KHDRBS2: variants seen among roughly 807,000 people sequenced by gnomAD.
The protein encoded by KHDRBS2 is KH RNA binding domain containing, signal transduction associated 2.
In KHDRBS2, 26 loss-of-function variants were observed where a neutral mutation model predicts 44.3. The observed-to-expected ratio is 0.59, with a 90% confidence interval of 0.43 to 0.81. KHDRBS2 has a LOEUF of 0.81. Among genes scored for constraint, KHDRBS2 ranks in the 40% least tolerant of loss-of-function variants. KHDRBS2 has a pLI of 0.00. For synonymous variants in KHDRBS2, 194 were observed against 151.1 expected (o/e 1.28, Z -2.08); for missense variants, 476 against 433.1 (o/e 1.10, Z -0.88).
intron 6 of KHDRBS2, among the ~76,000 whole-genome samples, chr6:61,756,494 A>C (rs1778507251): frequency 6.6e-6 from 1 of 152,090 alleles, no homozygotes; most frequent in African/African-American, 2.4e-5. Flanking sequence ...TCTTGACCTC[A>C]AGTGATCCGC....
chr6:62,229,091 C>T (rs1832432400), intron 1 of KHDRBS2, among the ~76,000 whole-genome samples: 1 of 152,138 alleles, frequency 6.6e-6, no homozygotes, highest in South Asian at 2.1e-4. Flanking sequence ...CTGAATTCCT[C>T]AGAATTAGCA....
chr6:62,011,350 C>T (rs2127269515), intron 3 of KHDRBS2, among the ~76,000 whole-genome samples: 1 of 152,182 alleles, frequency 6.6e-6, no homozygotes, highest in South Asian at 2.1e-4. Flanking sequence ...AAAGCAATAA[C>T]ACATTGCACA....
chr6:61,846,574 C>A (rs2127277609), intron 6 of KHDRBS2, among the ~76,000 whole-genome samples: 1 of 152,260 alleles, frequency 6.6e-6, no homozygotes, highest in East Asian at 1.9e-4. Context: ...AAGAGTTAAA[C>A]TTTTAAAACT....
intron 1 of KHDRBS2, among the ~76,000 whole-genome samples, chr6:62,240,665 T>A: frequency 1.5e-5 from 1 of 68,770 alleles, no homozygotes; most frequent in African/African-American, 4.8e-5. Flanking sequence ...TGTATGTATG[T>A]GTGTGTGTAT....
At chr6:61,985,230 T>G (rs1261886942) in intron 3 of KHDRBS2, among the ~76,000 whole-genome samples, 1 of 152,210 alleles carries the variant, frequency 6.6e-6, no homozygotes, top group East Asian at 1.9e-4. Flanking sequence ...ACTGGAAACT[T>G]TTTAGTAATA....
intron 1 of KHDRBS2, among the ~76,000 whole-genome samples, chr6:62,265,438 A>G (rs1585508739): frequency 6.6e-6 from 1 of 151,830 alleles, no homozygotes; most frequent in Non-Finnish European, 1.5e-5. Flanking sequence ...GTGTATGTGT[A>G]TGTGTGTGTA....
the KHDRBS2 span, among the ~76,000 whole-genome samples, chr6:61,661,837 G>C: frequency 1.3e-5 from 2 of 151,996 alleles, no homozygotes; most frequent in Non-Finnish European, 2.9e-5. Context: ...GTAATTTATA[G>C]ATTCAATGCC....
At chr6:61,984,240 A>G (rs1774572210) in intron 3 of KHDRBS2, among the ~76,000 whole-genome samples, 1 of 152,038 alleles carries the variant, frequency 6.6e-6, no homozygotes, top group South Asian at 2.1e-4. Flanking sequence ...GAAGTTAAAA[A>G]CTGGATTTAT....
intron 2 of KHDRBS2, among the ~76,000 whole-genome samples, chr6:62,064,653 C>T (rs1474976322): frequency 4.6e-5 from 7 of 151,666 alleles, no homozygotes; most frequent in Admixed American, 1.3e-4. Flanking sequence ...AAGATTTGAA[C>T]GTTAGACCTA....
intron 6 of KHDRBS2, among the ~76,000 whole-genome samples, chr6:61,883,524 T>C (rs1252124718): frequency 1.3e-5 from 2 of 152,042 alleles, no homozygotes; most frequent in Admixed American, 1.3e-4. Context: ...AGAATCTGCA[T>C]CTTTTCTAAA....
the KHDRBS2 span, among the ~76,000 whole-genome samples, chr6:61,625,105 T>G: frequency 6.6e-6 from 1 of 151,968 alleles, no homozygotes; most frequent in Non-Finnish European, 1.5e-5. Context: ...CTTTGATGCC[T>G]TGTGGGATTC....
At chr6:61,947,991 G>C (rs1195858317) in intron 4 of KHDRBS2, among the ~76,000 whole-genome samples, 2 of 151,038 alleles carry the variant, frequency 1.3e-5, no homozygotes, top group African/African-American at 4.9e-5. Flanking sequence ...TGAAGTTCAG[G>C]AGAGCTGAAG....
At chr6:62,230,604 T>G (rs952046807) in intron 1 of KHDRBS2, among the ~76,000 whole-genome samples, 8 of 152,162 alleles carry the variant, frequency 5.3e-5, no homozygotes, top group Non-Finnish European at 1.0e-4. Flanking sequence ...TTACAACAGC[T>G]CCTAGCACTT....
At chr6:61,611,972 A>G in the KHDRBS2 span, among the ~76,000 whole-genome samples, 6 of 152,234 alleles carry the variant, frequency 3.9e-5, no homozygotes, top group Non-Finnish European at 8.8e-5. Context: ...CACATCAACC[A>G]TATAGGAGAG....
chr6:61,977,932 G>A (rs1215408125), intron 4 of KHDRBS2, 134 bp downstream of exon 4: 5 of 712,708 alleles, frequency 7.0e-6, no homozygotes, highest in Non-Finnish European at 1.1e-5. Flanking sequence ...TTATTTTTTA[G>A]CTTTGTATCG....
At chr6:61,871,710 T>C (rs1798687073) in intron 6 of KHDRBS2, among the ~76,000 whole-genome samples, 1 of 152,164 alleles carries the variant, frequency 6.6e-6, no homozygotes, top group Admixed American at 6.5e-5. Flanking sequence ...TCAACATTTC[T>C]AAAGAAAAGA....
intron 3 of KHDRBS2, among the ~76,000 whole-genome samples, chr6:62,005,554 A>C (rs1779053865): frequency 6.6e-6 from 1 of 151,862 alleles, no homozygotes; most frequent in Non-Finnish European, 1.5e-5. Context: ...ATAGACTTAC[A>C]AAAGAGAAAG....
At chr6:62,249,738 A>AT (rs1836217189) in intron 1 of KHDRBS2, among the ~76,000 whole-genome samples, 1 of 152,028 alleles carries the variant, frequency 6.6e-6, no homozygotes, top group African/African-American at 2.4e-5. Flanking sequence ...TTTCTCTATA[A>AT]AAGCACTCTT....
At chr6:62,062,994 C>G (rs971087034) in intron 2 of KHDRBS2, among the ~76,000 whole-genome samples, 3 of 151,176 alleles carry the variant, frequency 2.0e-5, no homozygotes, top group Non-Finnish European at 3.0e-5. Flanking sequence ...GAGAATACTA[C>G]AAACAACTCT....
Sources: allele counts gnomAD v4.1 joint callset (sites outside exome capture counted in the v4.1 genomes callset), GRCh38; gene constraint gnomAD v4.1.1; transcripts MANE v1.5; gene names NCBI Gene and HGNC (gene_info 2026-07-23, HGNC 2026-07-21).